Variants in DCC observed in about 807,000 individuals in gnomAD.
DCC encodes the protein DCC netrin 1 receptor.
DCC carries 58 observed loss-of-function variants against 172.5 expected under a neutral mutation model. The observed-to-expected ratio is 0.34, with a 90% CI of 0.27 to 0.42. DCC has a LOEUF of 0.42. DCC is among the 10% of genes least tolerant of loss of function. DCC has a pLI of 1.00. For synonymous variants in DCC, 709 were observed against 644.5 expected (o/e 1.10, Z -1.52); for missense variants, 1,740 against 1,791.0 (o/e 0.97, Z 0.51).
chr18:53,212,917 C>T (rs1026031805), intron 11 of DCC, among the ~76,000 whole-genome samples: 1 of 152,102 alleles, frequency 6.6e-6, no homozygotes, highest in Non-Finnish European at 1.5e-5. Flanking sequence ...AGTGAGCCAC[C>T]TCCCTCGGGC....
intron 2 of DCC, among the ~76,000 whole-genome samples, chr18:52,768,600 TG>T: frequency 6.6e-6 from 1 of 152,230 alleles, no homozygotes; most frequent in Non-Finnish European, 1.5e-5. Context: ...TTTCAACATT[TG>T]TATTATGTTG....
intron 3 of DCC, among the ~76,000 whole-genome samples, chr18:52,913,466 A>T (rs182127650): frequency 9.2e-5 from 14 of 152,178 alleles, no homozygotes; most frequent in Admixed American, 9.2e-4. Flanking sequence ...TCATTCTAAA[A>T]TTAGTGATCT....
intron 1 of DCC, among the ~76,000 whole-genome samples, chr18:52,344,524 T>C (rs1983796242): frequency 6.6e-6 from 1 of 152,208 alleles, no homozygotes; most frequent in Admixed American, 6.5e-5. Context: ...GCATATAATA[T>C]GCTCCTGGAA....
At chr18:53,403,362 T>A (rs1909446646) in intron 19 of DCC, among the ~76,000 whole-genome samples, 1 of 152,170 alleles carries the variant, frequency 6.6e-6, no homozygotes, top group African/African-American at 2.4e-5. Flanking sequence ...AGGTTTTAGC[T>A]TCTTACTTAA....
At chr18:52,729,208 T>C (rs1443013838) in intron 1 of DCC, among the ~76,000 whole-genome samples, 1 of 152,162 alleles carries the variant, frequency 6.6e-6, no homozygotes. Flanking sequence ...TGCCTAAATC[T>C]AGAAAGCCCA....
chr18:53,092,739 A>G (rs2043032398), intron 7 of DCC, among the ~76,000 whole-genome samples: 1 of 152,124 alleles, frequency 6.6e-6, no homozygotes, highest in Non-Finnish European at 1.5e-5. Flanking sequence ...TCATCAGTCT[A>G]CTTGTCCATC....
intron 17 of DCC, among the ~76,000 whole-genome samples, chr18:53,394,398 T>C (rs1908778717): frequency 2.0e-5 from 3 of 152,204 alleles, no homozygotes; most frequent in African/African-American, 7.2e-5. Context: ...AAGAGTGTCC[T>C]TCTAGTTCCA....
rs560583109 is a variant in DCC at position 52,414,081 on chromosome 18, CTATTTATT to C, written c.91+73212_91+73219del. On this transcript the variant is annotated intron_variant, in intron 1 of 28. Transcript: ENST00000442544. ...TTGCCTTGAAATGGAGTTGAAATGA[CTATTTATT>C]TATTTATTGAGATGGAGTTTAGCTC... Among the ~76,000 whole-genome samples, 72 of 152,080 alleles carry C rather than the reference CTATTTATT, an allele frequency of 4.7e-4. 1 individual carries two copies. In the East Asian group the frequency reaches 6.6e-3, roughly 14 times the overall value.
chr18:53,293,820 A>G (rs2144755198), intron 12 of DCC, among the ~76,000 whole-genome samples: 1 of 152,254 alleles, frequency 6.6e-6, no homozygotes, highest in African/African-American at 2.4e-5. Context: ...TTCATATTTA[A>G]ATAACTCAAG....
chr18:52,343,633 G>A (rs1239752674), intron 1 of DCC, among the ~76,000 whole-genome samples: 1 of 152,154 alleles, frequency 6.6e-6, no homozygotes, highest in Non-Finnish European at 1.5e-5. Flanking sequence ...AGTCTCAGGG[G>A]ATCTCAGATA....
Position 53,499,296 on chromosome 18 carries a change from A to T in DCC, c.3899-2A>T, listed in dbSNP as rs2046066358. ...GAATGACTTTTCTTGTCTCCACTGC[A>T]GCAGTGAGTGAAGGACCAACTACCC... is the stretch of plus-strand genomic sequence containing the variant. On this transcript the variant is annotated splice_acceptor_variant, in intron 26 of 28. Transcript: ENST00000442544. LOFTEE classifies it high-confidence loss of function. 2 of 1,613,920 alleles carry T rather than the reference A, an allele frequency of 1.2e-6. No individual in the cohort carries two copies. Among genetic ancestry groups the T allele is most frequent in the Non-Finnish European group, 1.7e-6 (2 of 1,179,982 alleles).
At chr18:52,625,108 C>T (rs1598966079) in intron 1 of DCC, among the ~76,000 whole-genome samples, 1 of 140,058 alleles carries the variant, frequency 7.1e-6, no homozygotes, top group African/African-American at 2.5e-5. Flanking sequence ...GTGGTTTTTG[C>T]GTATCTAAAC....
chr18:52,912,555 C>CATGATT (rs1363338948), intron 3 of DCC, among the ~76,000 whole-genome samples: 23 of 152,002 alleles, frequency 1.5e-4, no homozygotes, highest in African/African-American at 5.6e-4. Context: ...TCTCTAGTAA[C>CATGATT]TTATTGCTAC....
At chr18:53,353,626 A>G (rs940653401) in intron 15 of DCC, among the ~76,000 whole-genome samples, 2 of 152,112 alleles carry the variant, frequency 1.3e-5, no homozygotes, top group African/African-American at 4.8e-5. Context: ...TGTGTGAAAA[A>G]GTTTTAAGTT....
At chr18:52,396,484 G>A (rs1309973305) in intron 1 of DCC, among the ~76,000 whole-genome samples, 5 of 152,004 alleles carry the variant, frequency 3.3e-5, no homozygotes, top group East Asian at 3.9e-4. Flanking sequence ...GGGAAACCTA[G>A]AGGTTAATTA....
At chr18:53,093,142 C>A (rs1040049717) in intron 7 of DCC, among the ~76,000 whole-genome samples, 1 of 152,000 alleles carries the variant, frequency 6.6e-6, no homozygotes, top group African/African-American at 2.4e-5. Context: ...ATTAGCTGGG[C>A]GTGGGGGTGC....
chr18:52,648,602 T>G (rs1289903176), intron 1 of DCC, among the ~76,000 whole-genome samples: 1 of 152,230 alleles, frequency 6.6e-6, no homozygotes, highest in Non-Finnish European at 1.5e-5. Context: ...TGTTAGTGGC[T>G]GTGCCAAAAT....
At chr18:52,403,347 C>T (rs1986512038) in intron 1 of DCC, among the ~76,000 whole-genome samples, 1 of 151,954 alleles carries the variant, frequency 6.6e-6, no homozygotes, top group Admixed American at 6.6e-5. Context: ...GCCCTTGATG[C>T]TCTCCACTTC....
In DCC at chr18:53,088,541, G is replaced by A. The variant is rs547793987; in HGVS notation, c.1261+22375G>A. 2.4e-4 allele frequency among the ~76,000 whole-genome samples: 36 copies of A among 152,070 alleles called. 1 individual carries two copies. In the South Asian group the frequency reaches 4.4e-3, roughly 18 times the overall value. ...GGTTTTCTAGATATACAATCATGTC[G>A]TCTGCAAATAGAGACACTAAAATAA... is the stretch of plus-strand genomic sequence containing the variant. On this transcript the variant is annotated intron_variant, in intron 7 of 28. Coordinates refer to ENST00000442544, the MANE Select transcript of DCC (RefSeq NM_005215.4).
Sources: gnomAD v4.1 joint callset for allele counts (sites outside exome capture counted in the v4.1 genomes callset) on GRCh38, gnomAD v4.1.1 for gene constraint, MANE v1.5 for transcripts, NCBI Gene and HGNC (gene_info 2026-07-23, HGNC 2026-07-21) for gene names.